The following ITPRID1 variants were observed in gnomAD, a reference collection of about 807,000 sequenced individuals.
ITPRID1 encodes protein ITPRID1.
Under a neutral mutation model 95.4 loss-of-function variants are expected in ITPRID1, and 96 were observed. The ratio of observed to expected loss-of-function variants is 1.01; its 90% CI spans 0.85 to 1.19. The LOEUF (loss-of-function observed/expected upper bound fraction) is 1.19. ITPRID1 is among the 50% of genes most tolerant of loss of function. The probability of loss-of-function intolerance (pLI) is 0.00; values close to 1 mark genes in which losing one functional copy is unlikely to be tolerated. For missense variants in ITPRID1, 1,339 were observed against 1,252.9 expected, an observed-to-expected ratio of 1.07 and a Z score of -1.04; for synonymous variants, 510 against 453.6, an observed-to-expected ratio of 1.12 and a Z score of -1.58.
intron 2 of ITPRID1, among the ~76,000 whole-genome samples, chr7:31,549,811 A>G (rs980678169): frequency 1.3e-5 from 2 of 152,172 alleles, no homozygotes; most frequent in African/African-American, 2.4e-5. Context: ...GGGAACAGAG[A>G]TTAAATAAAA....
chr7:31,582,531 A>C lies in ITPRID1; in HGVS notation c.1171-603A>C, dbSNP rs112028000. Among the ~76,000 whole-genome samples the C allele has an allele frequency of 3.0e-3, 452 of 152,242 alleles. 1 individual carries two copies. The highest frequency in any genetic ancestry group is 0.01 in the African/African-American group (432 of 41,540). On this transcript the variant is annotated intron_variant, in intron 9 of 14. Transcript: ENST00000615280. ...CTCCCAAAGTGTTGAGATTATAGGC[A>C]TGAGTTATCAAGCCCAACCCTGTTT...
intron 10 of ITPRID1, among the ~76,000 whole-genome samples, chr7:31,635,754 A>G (rs985951846): frequency 2.0e-5 from 3 of 151,894 alleles, no homozygotes; most frequent in Non-Finnish European, 2.9e-5. Flanking sequence ...GGAGGGGAAC[A>G]CCACACATTG....
intron 1 of ITPRID1, among the ~76,000 whole-genome samples, chr7:31,522,946 T>A (rs1783312931): frequency 6.6e-6 from 1 of 152,232 alleles, no homozygotes; most frequent in Admixed American, 6.5e-5. Flanking sequence ...ATGTACGTAT[T>A]CAAATCCTGC....
chr7:31,656,543 G>A, downstream of ITPRID1: 1 of 916,720 alleles, frequency 1.1e-6, no homozygotes, highest in East Asian at 1.2e-4. Flanking sequence ...TGTTAGCAAA[G>A]TACTTTATGC....
chr7:31,616,072 C>CTGTT (rs1172793521), intron 10 of ITPRID1, among the ~76,000 whole-genome samples: 2 of 152,072 alleles, frequency 1.3e-5, no homozygotes, highest in African/African-American at 4.8e-5. Context: ...ATTCCGTTTT[C>CTGTT]TGTTAAAAGG....
At chr7:31,652,230 T>C (rs1406500718) in intron 14 of ITPRID1, among the ~76,000 whole-genome samples, 180 bp downstream of exon 14, 1 of 152,190 alleles carries the variant, frequency 6.6e-6, no homozygotes, top group East Asian at 1.9e-4. Flanking sequence ...CTGATGGTGA[T>C]TCTGTATCAG....
chr7:31,620,648 C>A (rs1266766093), intron 10 of ITPRID1, among the ~76,000 whole-genome samples: 2 of 150,312 alleles, frequency 1.3e-5, no homozygotes, highest in Non-Finnish European at 3.0e-5. Context: ...GATAAAACCA[C>A]AAAGATGGGG....
At chr7:31,614,217 A>ATCT (rs1474627476) in intron 10 of ITPRID1, among the ~76,000 whole-genome samples, 1 of 152,222 alleles carries the variant, frequency 6.6e-6, no homozygotes, top group Non-Finnish European at 1.5e-5. Flanking sequence ...CTTCTTGTGC[A>ATCT]TCTTCTTGTG....
In ITPRID1 at chr7:31,652,014, A is replaced by G. The variant is rs1791003311; in HGVS notation, c.2787A>G (p.Gly929=). Residue 929 remains glycine (G), a synonymous_variant, in exon 14 of 15, where the codon GGA becomes GGG. Transcript: ENST00000615280. ...QQVAELEFQL[G]DRAQQIREGI... is the part of the protein sequence containing the mutation. ...TGGCAGAGTTGGAATTTCAGTTAGG[A>G]GACCGGGCTCAGCAAATCAGAGAAG... 6.2e-7 allele frequency: 1 copy of G among 1,604,570 alleles called. No homozygotes were observed. Among genetic ancestry groups the G allele is most frequent in the Non-Finnish European group, 8.5e-7 (1 of 1,175,746 alleles).
At position 31,519,645 on chromosome 7, in the gene ITPRID1, T is replaced by TATATATATATATATATAA. The variant is rs1332451516; in HGVS notation, c.-98+5526_-98+5527insTATATATATATATATAAA. The stretch of plus-strand genomic sequence containing the variant: ...CTATATATATATATATATATATATA[T>TATATATATATATATATAA]AAATCTTATGTTATCCTGCTGGTAT... On this transcript the variant is annotated intron_variant, in intron 1 of 14. Transcript: ENST00000615280. Among the ~76,000 whole-genome samples, 407 of 114,896 alleles carry TATATATATATATATATAA rather than the reference T, an allele frequency of 3.5e-3. 24 individuals are homozygous for TATATATATATATATATAA. The highest frequency in any genetic ancestry group is 6.1e-3 in the Admixed American group (59 of 9,694). 75.4% of individuals were successfully genotyped at this position (114,896 alleles called of 152,430 possible).
rs181533326 is a variant in ITPRID1 at position 31,565,256 on chromosome 7, A to G, written c.257-4502A>G. ...GAACATAAAATGGAAATCAAAAAAT[A>G]AAACTATCTTTAATAATTTTATAAC... On this transcript the variant is annotated intron_variant, in intron 5 of 14. Transcript: ENST00000615280. Among the ~76,000 whole-genome samples the G allele has an allele frequency of 3.3e-5, 5 of 152,338 alleles. No individual in the cohort carries two copies. In the East Asian group the frequency reaches 9.6e-4, roughly 29 times the overall value.
At chr7:31,642,574 C>G (rs527938807) in intron 11 of ITPRID1, 108 bp from the exon 12 acceptor site, 64 of 991,374 alleles carry the variant, frequency 6.5e-5, no homozygotes, top group Non-Finnish European at 8.2e-5. Flanking sequence ...GATGTTGCAA[C>G]CCTTATCTCC....
intron 10 of ITPRID1, among the ~76,000 whole-genome samples, chr7:31,606,372 G>A (rs1461102075): frequency 6.6e-6 from 1 of 151,868 alleles, no homozygotes; most frequent in Non-Finnish European, 1.5e-5. Flanking sequence ...ATTTCTCAGG[G>A]GCTGTATTTA....
At chr7:31,551,910 T>C in intron 2 of ITPRID1, 1 of 419,650 alleles carries the variant, frequency 2.4e-6, no homozygotes. Flanking sequence ...AAAGCATATG[T>C]CATGGAAGTA....
At chr7:31,574,208 C>T (rs1311517230) in intron 7 of ITPRID1, among the ~76,000 whole-genome samples, 1 of 150,790 alleles carries the variant, frequency 6.6e-6, no homozygotes, top group African/African-American at 2.4e-5. Flanking sequence ...CTTTAGTGAC[C>T]ACTTGTTTTT....
intron 10 of ITPRID1, among the ~76,000 whole-genome samples, chr7:31,586,913 C>T (rs1160284364): frequency 6.6e-6 from 1 of 151,968 alleles, no homozygotes; most frequent in Non-Finnish European, 1.5e-5. Flanking sequence ...GAAGTCCTTG[C>T]CCATGCCTAT....
At chr7:31,535,115 T>C (rs1364969942) in intron 1 of ITPRID1, among the ~76,000 whole-genome samples, 2 of 152,102 alleles carry the variant, frequency 1.3e-5, no homozygotes, top group Non-Finnish European at 2.9e-5. Flanking sequence ...TTTTATTTAA[T>C]ATGAATTAAT....
chr7:31,517,961 A>G (rs1369353188), intron 1 of ITPRID1: 1 of 152,304 alleles, frequency 6.6e-6, no homozygotes, highest in African/African-American at 2.4e-5. Context: ...CACAACAAAG[A>G]TGTCAACATG....
At chr7:31,613,112 TGA>T (rs1235950842) in intron 10 of ITPRID1, among the ~76,000 whole-genome samples, 2 of 152,120 alleles carry the variant, frequency 1.3e-5, no homozygotes, top group Non-Finnish European at 2.9e-5. Context: ...ACTTTTTGTT[TGA>T]GAGTCCACAC....
Sources: allele counts gnomAD v4.1 joint callset (sites outside exome capture counted in the v4.1 genomes callset), GRCh38; gene constraint gnomAD v4.1.1; transcripts MANE v1.5; gene names NCBI Gene and HGNC (gene_info 2026-07-23, HGNC 2026-07-21).